Variants in TSHZ3 observed in about 807,000 individuals in gnomAD.
TSHZ3 encodes teashirt homolog 3.
Under a neutral mutation model 64.5 loss-of-function variants are expected in TSHZ3, and 10 were observed. That is an observed-to-expected ratio of 0.16 (90% CI 0.10 to 0.26). TSHZ3 has a LOEUF of 0.26. TSHZ3 is among the 10% of genes least tolerant of loss of function. The pLI, the probability that TSHZ3 is intolerant of heterozygous loss-of-function variation, is 1.00. For synonymous variants in TSHZ3, 608 were observed against 593.1 expected, an observed-to-expected ratio of 1.03 and a Z score of -0.36; for missense variants, 1,242 against 1,421.7, an observed-to-expected ratio of 0.87 and a Z score of 2.03.
chr19:31,165,155 C>G (rs920060659), intron 5 of TSHZ3, among the ~76,000 whole-genome samples: 5 of 152,236 alleles, frequency 3.3e-5, no homozygotes, highest in African/African-American at 9.6e-5. Context: ...CAGCCCTGCC[C>G]CGGTCACCGC....
At chr19:31,320,227 A>G (rs1366847858) in intron 1 of TSHZ3, among the ~76,000 whole-genome samples, 1 of 152,130 alleles carries the variant, frequency 6.6e-6, no homozygotes, top group African/African-American at 2.4e-5. Context: ...GCGGTGGGTA[A>G]ATATGACCCT....
At chr19:31,166,101 T>C (rs1040835433) in intron 5 of TSHZ3, among the ~76,000 whole-genome samples, 5 of 152,216 alleles carry the variant, frequency 3.3e-5, no homozygotes, top group Non-Finnish European at 7.3e-5. Context: ...CAGTTATTCC[T>C]GCACAGCGTT....
chr19:31,311,993 G>A (rs1024413545), intron 1 of TSHZ3, among the ~76,000 whole-genome samples: 8 of 152,140 alleles, frequency 5.3e-5, no homozygotes, highest in Admixed American at 6.5e-5. Context: ...CAAAGTGCTC[G>A]GATTACAGGT....
intron 5 of TSHZ3, among the ~76,000 whole-genome samples, chr19:31,197,048 C>T (rs1975003081): frequency 6.6e-6 from 1 of 151,834 alleles, no homozygotes. Context: ...CCAAGATAGA[C>T]CACATTCTGG....
At chr19:31,250,173 C>T (rs2145190832) in intron 1 of TSHZ3, among the ~76,000 whole-genome samples, 1 of 152,350 alleles carries the variant, frequency 6.6e-6, no homozygotes, top group Non-Finnish European at 1.5e-5. Flanking sequence ...AAAAATATAT[C>T]TTTAAGCACA....
intron 1 of TSHZ3, among the ~76,000 whole-genome samples, chr19:31,286,707 T>C (rs1164341652): frequency 6.6e-6 from 1 of 152,198 alleles, no homozygotes. Flanking sequence ...GGGAGCGCCC[T>C]GTCCCCGGAA....
intron 5 of TSHZ3, among the ~76,000 whole-genome samples, chr19:31,157,348 T>A (rs2145099238): frequency 6.6e-6 from 1 of 152,312 alleles, no homozygotes; most frequent in Non-Finnish European, 1.5e-5. Flanking sequence ...ATCTTGTCTG[T>A]CTCCTGTGTT....
intron 1 of TSHZ3, among the ~76,000 whole-genome samples, chr19:31,252,312 G>A (rs528911298): frequency 2.0e-5 from 3 of 152,062 alleles, no homozygotes; most frequent in South Asian, 2.1e-4. Context: ...TTCGCTCCAC[G>A]GTCTCTCCCT....
upstream of TSHZ3, among the ~76,000 whole-genome samples, chr19:31,350,544 T>G (rs531789008): frequency 6.7e-6 from 1 of 149,564 alleles, no homozygotes; most frequent in Non-Finnish European, 1.5e-5. Flanking sequence ...CCCGAGAGCC[T>G]AGGGGGCCGC....
intron 1 of TSHZ3, chr19:31,308,533 T>C (rs1916362148): frequency 2.5e-6 from 1 of 395,572 alleles, no homozygotes; most frequent in Non-Finnish European, 4.4e-6. Context: ...AAGGGCTCCA[T>C]TTCTAGGAGA....
chr19:31,155,170 C>A (rs531481970), intron 6 of TSHZ3, among the ~76,000 whole-genome samples: 1 of 152,342 alleles, frequency 6.6e-6, no homozygotes, highest in African/African-American at 2.4e-5. Context: ...TCCTCACAGC[C>A]GCCTGAACAT....
In TSHZ3 at chr19:31,311,457, C is replaced by T. The variant is rs563174253; in HGVS notation, c.41-31705G>A. 3.3e-5 allele frequency among the ~76,000 whole-genome samples: 5 copies of T among 152,254 alleles called. No homozygotes were observed. The South Asian group carries it at 8.3e-4, about 25-fold the overall frequency. ...CACAGGACCTTCTTGGGGTGAGTCTCGCCTGTGGCCTCCGACTGCACAGGG... is the reference window on the plus strand; with the variant it reads ...CACAGGACCTTCTTGGGGTGAGTCTTGCCTGTGGCCTCCGACTGCACAGGG... On this transcript the variant is annotated intron_variant, in intron 1 of 1. Coordinates refer to ENST00000240587, the MANE Select transcript of TSHZ3 (RefSeq NM_020856.4).
At chr19:31,345,819 T>G (rs1202691258) in intron 1 of TSHZ3, among the ~76,000 whole-genome samples, 1 of 152,172 alleles carries the variant, frequency 6.6e-6, no homozygotes, top group African/African-American at 2.4e-5. Context: ...CAGAAATGTT[T>G]TTTAAAAACC....
chr19:31,162,399 T>C (rs1021413130), intron 5 of TSHZ3, among the ~76,000 whole-genome samples: 1 of 152,182 alleles, frequency 6.6e-6, no homozygotes, highest in Non-Finnish European at 1.5e-5. Flanking sequence ...CAATAATTTA[T>C]GTGAGTCTTG....
intron 5 of TSHZ3, among the ~76,000 whole-genome samples, chr19:31,183,967 T>C (rs1974765648): frequency 6.6e-6 from 1 of 152,156 alleles, no homozygotes; most frequent in South Asian, 2.1e-4. Flanking sequence ...TCCCCGGCAT[T>C]CCTTAACCCT....
rs567068490 is a variant in TSHZ3, at chr19:31,254,984, T to C, written n.64-12109A>G. ...CAGCAGGAGTGGGGAAGGAAGGAAGTCACTTCAATGAATGATAATGAACTT... is the reference window on the plus strand; with the variant it reads ...CAGCAGGAGTGGGGAAGGAAGGAAGCCACTTCAATGAATGATAATGAACTT... On this transcript the variant is annotated intron_variant and non_coding_transcript_variant, in intron 1 of 6. Transcript: ENST00000651361. Among the ~76,000 whole-genome samples, 4 of 152,150 alleles carry C rather than the reference T, an allele frequency of 2.6e-5. No homozygotes were observed. In the East Asian group the frequency reaches 5.8e-4, roughly 22 times the overall value.
At chr19:31,179,745 G>T (rs993576592) in intron 5 of TSHZ3, among the ~76,000 whole-genome samples, 1 of 150,486 alleles carries the variant, frequency 6.6e-6, no homozygotes, top group Admixed American at 6.6e-5. Context: ...TGGTGGTGGT[G>T]GTGATGGTGG....
chr19:31,243,005 A>C (rs1037357476), intron 1 of TSHZ3, among the ~76,000 whole-genome samples: 3 of 152,146 alleles, frequency 2.0e-5, no homozygotes, highest in Non-Finnish European at 4.4e-5. Context: ...TTCACCCTCC[A>C]ATCTCCTCCA....
At chr19:31,204,956 C>G (rs907139734) in exon 5 of TSHZ3, 5 of 152,210 alleles carry the variant, frequency 3.3e-5, no homozygotes, top group African/African-American at 1.2e-4. Flanking sequence ...TAACATGTAC[C>G]TTTGAAAAGG....
Sources: allele counts gnomAD v4.1 joint callset (sites outside exome capture counted in the v4.1 genomes callset), GRCh38; gene constraint gnomAD v4.1.1; transcripts MANE v1.5; gene names NCBI Gene and HGNC (gene_info 2026-07-23, HGNC 2026-07-21).